The following CMIP variants were observed in gnomAD, a reference collection of about 807,000 sequenced individuals.
CMIP encodes the protein C-Maf-inducing protein.
In CMIP, 13 loss-of-function variants were observed where a neutral mutation model predicts 97.3. The observed-to-expected ratio is 0.13, with a 90% CI of 0.09 to 0.21. The LOEUF is 0.21. Among genes scored for constraint, CMIP ranks in the 10% least tolerant of loss-of-function variants. CMIP has a pLI of 1.00. For missense variants in CMIP, 847 were observed against 1,024.9 expected (o/e 0.83, Z 2.37); for synonymous variants, 538 against 436.3 (o/e 1.23, Z -2.91).
intron 1 of CMIP, among the ~76,000 whole-genome samples, chr16:81,533,648 T>G (rs2090284911): frequency 6.6e-6 from 1 of 152,002 alleles, no homozygotes; most frequent in Non-Finnish European, 1.5e-5. Context: ...CCAGCTAATT[T>G]TTTGTATTTT....
At chr16:81,661,953 A>T (rs1276596406) in intron 6 of CMIP, among the ~76,000 whole-genome samples, 1 of 152,106 alleles carries the variant, frequency 6.6e-6, no homozygotes, top group East Asian at 1.9e-4. Context: ...TAATGTGGGC[A>T]TGTGCAATGT....
At chr16:81,465,433 G>C (rs565852528) in intron 1 of CMIP, among the ~76,000 whole-genome samples, 327 of 152,322 alleles carry the variant, frequency 2.1e-3, no homozygotes, top group African/African-American at 7.5e-3. Flanking sequence ...CCCCGTGTCT[G>C]ACGCTGTGTC....
At chr16:81,696,153 A>G in intron 13 of CMIP, 1 of 273,888 alleles carries the variant, frequency 3.7e-6, no homozygotes, top group South Asian at 3.5e-5. Context: ...CAGAGAACGG[A>G]GACCCAGGAG....
At chr16:81,528,024 C>T (rs1171332373) in intron 1 of CMIP, among the ~76,000 whole-genome samples, 1 of 152,164 alleles carries the variant, frequency 6.6e-6, no homozygotes, top group East Asian at 1.9e-4. Flanking sequence ...AGTGGTTGTA[C>T]CAGTTTACAT....
Position 81,696,371 on chromosome 16 carries a change from A to G in CMIP, c.1531-189A>G, listed in dbSNP as rs1266348154. 4.7e-6 allele frequency: 3 copies of G among 642,108 alleles called. No homozygotes were observed. In the African/African-American group the frequency reaches 5.4e-5, roughly 12 times the overall value. 39.8% of individuals were successfully genotyped at this position (642,108 alleles called of 1,614,324 possible). A position where few individuals can be genotyped will look rare whatever the true frequency, so the allele number is the denominator to read the frequency against. On this transcript the variant is annotated intron_variant, in intron 13 of 20. Transcript: ENST00000537098. ...CAGAGTCCCCTGGGGTGTGGGGGCC[A>G]CGGTATTTCCCGAAAGACCTTTCAT...
intron 4 of CMIP, among the ~76,000 whole-genome samples, chr16:81,656,646 C>G (rs1400851960): frequency 2.0e-5 from 3 of 152,178 alleles, no homozygotes; most frequent in African/African-American, 7.2e-5. Context: ...AAGTCCAAAA[C>G]TTTCTTTTTT....
At chr16:81,675,888 A>G (rs1419784162) in intron 9 of CMIP, among the ~76,000 whole-genome samples, 2 of 152,184 alleles carry the variant, frequency 1.3e-5, no homozygotes, top group African/African-American at 4.8e-5. Flanking sequence ...CTGCTTGTCT[A>G]ACAAGCTCCC....
chr16:81,711,103 G>T lies in CMIP; in HGVS notation c.*1304G>T, dbSNP rs189365436. 7.9e-6 allele frequency: 1 copy of T among 126,570 alleles called. No individual in the cohort carries two copies. The highest frequency in any genetic ancestry group is 1.1e-4 in the Admixed American group (1 of 9,278). The allele number at this position is 126,570 out of a possible 1,614,324, so 7.8% of individuals were successfully genotyped here. A position where few individuals can be genotyped will look rare whatever the true frequency, so the allele number is the denominator to read the frequency against. ...CTGCTCCGAAGACAAACCAACCTCCGTTTCTTTTATAAACAGTCGGCTTTT... is the reference window on the plus strand; with the variant it reads ...CTGCTCCGAAGACAAACCAACCTCCTTTTCTTTTATAAACAGTCGGCTTTT... On this transcript the variant is annotated 3_prime_UTR_variant, in exon 21 of 21. Coordinates refer to ENST00000537098, the MANE Select transcript of CMIP (RefSeq NM_198390.3).
In CMIP at chr16:81,614,842, A is replaced by T. The variant is rs1395062253; in HGVS notation, c.427-6034A>T. On this transcript the variant is annotated intron_variant, in intron 2 of 20. Transcript: ENST00000537098. The surrounding 1 kb of genome is among the most constrained non-coding windows in gnomAD (Gnocchi z 5.3). ...GTATGTATATGTGTATACGGTGTGT[A>T]TGCACATGTATCTCTGTGTGTGCAT... Among the ~76,000 whole-genome samples, 1 of 148,510 alleles carries T rather than the reference A, an allele frequency of 6.7e-6. No individual in the cohort carries two copies. Among genetic ancestry groups the T allele is most frequent in the African/African-American group, 2.5e-5 (1 of 39,874 alleles).
intron 10 of CMIP, among the ~76,000 whole-genome samples, chr16:81,683,252 CAG>C (rs1861568656): frequency 6.6e-6 from 1 of 152,186 alleles, no homozygotes; most frequent in Admixed American, 6.5e-5. Context: ...ACTGGGGCCA[CAG>C]GGGTAGGACG....
chr16:81,521,013 C>T (rs1260152020), intron 1 of CMIP, among the ~76,000 whole-genome samples: 1 of 152,234 alleles, frequency 6.6e-6, no homozygotes, highest in Non-Finnish European at 1.5e-5. Flanking sequence ...GCCCCCTGGG[C>T]TCTTCACTGA....
intron 3 of CMIP, chr16:81,631,717 A>G (rs964328119): frequency 6.6e-6 from 1 of 152,288 alleles, no homozygotes; most frequent in African/African-American, 2.4e-5. Context: ...TAACTTGTTC[A>G]TTCTGTGGAT....
rs1908017592 is a variant in CMIP at position 81,705,405 on chromosome 16, C to CT, written c.2092-93dup. On this transcript the variant is annotated intron_variant, in intron 18 of 20. Coordinates refer to ENST00000537098, the MANE Select transcript of CMIP (RefSeq NM_198390.3). ...GGGCCATGGGCCTCAGAGCCAGGCT[C>CT]TGTCCCCATCCCTTTCCTCCACCTC... is the stretch of plus-strand genomic sequence containing the variant. 3 of 903,648 alleles carry CT rather than the reference C, an allele frequency of 3.3e-6. No homozygotes were observed. The Admixed American group carries it at 6.7e-5, about 20-fold the overall frequency. The allele number at this position is 903,648 out of a possible 1,614,324, so 56.0% of individuals were successfully genotyped here.
chr16:81,526,749 C>T (rs552323850), intron 1 of CMIP, among the ~76,000 whole-genome samples: 3 of 152,294 alleles, frequency 2.0e-5, no homozygotes, highest in South Asian at 2.1e-4. Flanking sequence ...TGCAGAGGTG[C>T]CCCCGGGAGG....
chr16:81,453,143 G>A lies in CMIP; in HGVS notation c.300+7602G>A, dbSNP rs1906337972. 6.6e-6 allele frequency among the ~76,000 whole-genome samples: 1 copy of A among 152,180 alleles called. No homozygotes were observed. Among genetic ancestry groups the A allele is most frequent in the Admixed American group, 6.5e-5 (1 of 15,278 alleles). Reference sequence around the variant, plus strand: ...AAAGACCCTTGCAGCTGGCTCAGCAGCCCACCTGGGATTCAAACCCAGACT... The same window carrying A: ...AAAGACCCTTGCAGCTGGCTCAGCAACCCACCTGGGATTCAAACCCAGACT... On this transcript the variant is annotated intron_variant, in intron 1 of 20. Coordinates refer to ENST00000537098, the MANE Select transcript of CMIP (RefSeq NM_198390.3). The surrounding 1 kb of genome is among the most constrained non-coding windows in gnomAD (Gnocchi z 4.0).
At chr16:81,595,664 C>T (rs896590338) in intron 1 of CMIP, among the ~76,000 whole-genome samples, 14 of 152,304 alleles carry the variant, frequency 9.2e-5, no homozygotes, top group African/African-American at 3.4e-4. Flanking sequence ...GCCAGGATTA[C>T]AGGCATGAGC....
At chr16:81,670,626 G>C (rs1040307354) in intron 8 of CMIP, among the ~76,000 whole-genome samples, 13 of 148,630 alleles carry the variant, frequency 8.7e-5, no homozygotes, top group African/African-American at 2.2e-4. Flanking sequence ...TTTTTGGGGG[G>C]GGGGGGGGTG....
At chr16:81,696,965 A>C in intron 14 of CMIP, 1 of 460,438 alleles carries the variant, frequency 2.2e-6, no homozygotes, top group Non-Finnish European at 3.9e-6. Context: ...AGGCAGCTAA[A>C]GCCTGGGCCG....
chr16:81,606,256 A>G (rs1248218860), intron 1 of CMIP, among the ~76,000 whole-genome samples: 1 of 152,200 alleles, frequency 6.6e-6, no homozygotes, highest in Non-Finnish European at 1.5e-5. Flanking sequence ...CCTGAGCCTC[A>G]GCTTCCTTGT....
Sources: allele counts gnomAD v4.1 joint callset (sites outside exome capture counted in the v4.1 genomes callset), GRCh38; gene constraint gnomAD v4.1.1; non-coding constraint Gnocchi (gnomAD v3.1); transcripts MANE v1.5; gene names NCBI Gene and HGNC (gene_info 2026-07-23, HGNC 2026-07-21).